Variants in GPATCH2 observed in about 807,000 individuals in gnomAD.
GPATCH2 encodes G-patch domain containing 2.
GPATCH2 carries 51 observed loss-of-function variants against 58.0 expected under a neutral mutation model. The observed-to-expected ratio is 0.88, with a 90% CI of 0.70 to 1.11. GPATCH2 has a LOEUF of 1.11. GPATCH2 is among the 50% of genes most tolerant of loss of function. The probability of loss-of-function intolerance (pLI) is 0.00; values close to 1 mark genes in which losing one functional copy is unlikely to be tolerated. For synonymous variants in GPATCH2, 222 were observed against 218.5 expected, an observed-to-expected ratio of 1.02 and a Z score of -0.14; for missense variants, 625 against 652.2, an observed-to-expected ratio of 0.96 and a Z score of 0.45.
At chr1:217,566,355 A>G (rs1316898683) in intron 5 of GPATCH2, among the ~76,000 whole-genome samples, 2 of 152,194 alleles carry the variant, frequency 1.3e-5, no homozygotes, top group Admixed American at 6.5e-5. Flanking sequence ...TATTCATCCT[A>G]TGCTGTGGGA....
chr1:217,615,499 C>T (rs1488272177), intron 2 of GPATCH2, among the ~76,000 whole-genome samples: 2 of 152,016 alleles, frequency 1.3e-5, no homozygotes, highest in Non-Finnish European at 2.9e-5. Context: ...TTAAAATCAC[C>T]TCAGAAACTA....
chr1:217,439,559 A>T (rs1040760124), intron 9 of GPATCH2, among the ~76,000 whole-genome samples: 1 of 152,186 alleles, frequency 6.6e-6, no homozygotes, highest in Non-Finnish European at 1.5e-5. Context: ...AAACCCTTCA[A>T]AAAAATCAGT....
intron 5 of GPATCH2, among the ~76,000 whole-genome samples, chr1:217,549,988 T>A (rs1036141733): frequency 1.3e-5 from 2 of 152,178 alleles, no homozygotes; most frequent in Non-Finnish European, 2.9e-5. Flanking sequence ...ACGGGAGAAC[T>A]CTGTAAGGAA....
chr1:217,523,751 C>T (rs1244753223), intron 5 of GPATCH2, among the ~76,000 whole-genome samples: 3 of 148,542 alleles, frequency 2.0e-5, no homozygotes, highest in African/African-American at 5.1e-5. Context: ...TAGGGGCGGC[C>T]GGGCAGAGGC....
At chr1:217,548,855 C>A (rs1288469101) in intron 5 of GPATCH2, among the ~76,000 whole-genome samples, 1 of 152,252 alleles carries the variant, frequency 6.6e-6, no homozygotes, top group Admixed American at 6.5e-5. Context: ...TTTCCTGAGG[C>A]CTCCCCAGCA....
At position 217,470,704 on chromosome 1, in the gene GPATCH2, G is replaced by A. The variant is rs574570674; in HGVS notation, c.1277+20976C>T. ...TACAATACAATAATTTGGTTATATA[G>A]AGTAAAACAGATTAATTAAATCCCT... On this transcript the variant is annotated intron_variant, in intron 8 of 9. Coordinates refer to ENST00000366935, the MANE Select transcript of GPATCH2 (RefSeq NM_018040.5). Among the ~76,000 whole-genome samples, 6 of 152,232 alleles carry A rather than the reference G, an allele frequency of 3.9e-5. No homozygotes were observed. The East Asian group carries it at 1.2e-3, about 29-fold the overall frequency.
intron 5 of GPATCH2, chr1:217,608,122 C>T (rs1320200547): frequency 4.4e-6 from 1 of 228,934 alleles, no homozygotes; most frequent in Admixed American, 6.5e-5. Flanking sequence ...GCATAAGCAA[C>T]AACAACAACA....
chr1:217,449,118 G>C, intron 9 of GPATCH2, 131 bp downstream of exon 9: 1 of 644,604 alleles, frequency 1.6e-6, no homozygotes, highest in South Asian at 1.9e-5. Flanking sequence ...ACATGCAAAT[G>C]ATTTGTTTTC....
chr1:217,610,305 G>C lies in GPATCH2; in HGVS notation c.1098+16C>G. The C allele has an allele frequency of 6.5e-7, 1 of 1,537,314 alleles. No homozygotes were observed. The highest frequency in any genetic ancestry group is 1.1e-5 in the South Asian group (1 of 88,626). ...CATTTCCAAACATGACAATTACACA[G>C]AAAAAGTATGCCTACCATTGAAGTT... is the stretch of plus-strand genomic sequence containing the variant. On this transcript the variant is annotated intron_variant, in intron 5 of 9. Transcript: ENST00000366935.
At chr1:217,432,792 T>C (rs769945907) in intron 9 of GPATCH2, among the ~76,000 whole-genome samples, 43 of 152,182 alleles carry the variant, frequency 2.8e-4, no homozygotes, top group Admixed American at 7.9e-4. Flanking sequence ...AACCTTTGTC[T>C]TAGTGAGAAC....
At chr1:217,590,482 C>A (rs1483786361) in intron 5 of GPATCH2, among the ~76,000 whole-genome samples, 1 of 152,180 alleles carries the variant, frequency 6.6e-6, no homozygotes, top group Non-Finnish European at 1.5e-5. Flanking sequence ...TAAGTACCTG[C>A]AACATGCAAT....
chr1:217,574,220 C>T (rs145538115), intron 5 of GPATCH2, among the ~76,000 whole-genome samples: 2 of 152,274 alleles, frequency 1.3e-5, no homozygotes, highest in East Asian at 1.9e-4. Context: ...GATAGTGACA[C>T]AAAATGTGCC....
At chr1:217,572,886 A>G (rs1571943450) in intron 5 of GPATCH2, among the ~76,000 whole-genome samples, 1 of 152,350 alleles carries the variant, frequency 6.6e-6, no homozygotes, top group East Asian at 1.9e-4. Flanking sequence ...TAGTGAAAAT[A>G]TAAGAAGAAA....
intron 8 of GPATCH2, among the ~76,000 whole-genome samples, chr1:217,456,349 G>C (rs967134573): frequency 4.6e-5 from 7 of 152,152 alleles, no homozygotes; most frequent in African/African-American, 1.7e-4. Context: ...CCTGTTAGGG[G>C]TTTGAGGGCA....
At chr1:217,611,982 C>T (rs931795916) in intron 3 of GPATCH2, among the ~76,000 whole-genome samples, 1 of 151,942 alleles carries the variant, frequency 6.6e-6, no homozygotes, top group Non-Finnish European at 1.5e-5. Context: ...GAGTTCCAGA[C>T]CAACCTGGGC....
At chr1:217,508,094 T>A (rs1049113542) in intron 6 of GPATCH2, among the ~76,000 whole-genome samples, 7 of 152,144 alleles carry the variant, frequency 4.6e-5, no homozygotes, top group African/African-American at 1.7e-4. Context: ...AAAGGACTGT[T>A]ACTGTATTAT....
intron 5 of GPATCH2, among the ~76,000 whole-genome samples, chr1:217,529,289 T>C (rs948014520): frequency 2.6e-5 from 4 of 152,170 alleles, no homozygotes; most frequent in African/African-American, 9.7e-5. Context: ...AAAACTTATG[T>C]TGAAATTTGG....
chr1:217,457,484 T>C (rs1418059713), intron 8 of GPATCH2, among the ~76,000 whole-genome samples: 1 of 152,230 alleles, frequency 6.6e-6, no homozygotes, highest in Non-Finnish European at 1.5e-5. Context: ...ACTATTATTA[T>C]CATCCCCACC....
At chr1:217,523,436 T>C (rs1362314198) in intron 5 of GPATCH2, among the ~76,000 whole-genome samples, 2 of 151,610 alleles carry the variant, frequency 1.3e-5, no homozygotes, top group Non-Finnish European at 2.9e-5. Flanking sequence ...CCGCCCTTAA[T>C]CCATTTAACC....
Sources: gnomAD v4.1 joint callset for allele counts (sites outside exome capture counted in the v4.1 genomes callset) on GRCh38, gnomAD v4.1.1 for gene constraint, MANE v1.5 for transcripts, NCBI Gene and HGNC (gene_info 2026-07-23, HGNC 2026-07-21) for gene names.